Variants in COLEC12 observed in about 807,000 individuals in gnomAD.
The protein encoded by COLEC12 is collectin-12.
Under a neutral mutation model 71.1 loss-of-function variants are expected in COLEC12, and 33 were observed. The observed-to-expected ratio is 0.46, with a 90% CI of 0.35 to 0.62. The LOEUF is 0.62. COLEC12 is among the 20% of genes least tolerant of loss of function. COLEC12 has a pLI of 0.00. For missense variants in COLEC12, 765 were observed against 916.1 expected (o/e 0.84, Z 2.13); for synonymous variants, 350 against 353.0 (o/e 0.99, Z 0.10).
At chr18:378,088 T>C (rs1285797186) in intron 2 of COLEC12, among the ~76,000 whole-genome samples, 1 of 152,244 alleles carries the variant, frequency 6.6e-6, no homozygotes. Flanking sequence ...CACTGATCAA[T>C]GAGAAAGGAT....
At chr18:349,720 C>G (rs951428398) in intron 3 of COLEC12, among the ~76,000 whole-genome samples, 6 of 152,206 alleles carry the variant, frequency 3.9e-5, no homozygotes, top group African/African-American at 1.2e-4. Context: ...ACCATGGGAA[C>G]CCACCTCTTG....
intron 2 of COLEC12, among the ~76,000 whole-genome samples, chr18:393,892 G>T (rs1223966442): frequency 1.3e-5 from 2 of 152,188 alleles, no homozygotes; most frequent in Admixed American, 6.5e-5. Flanking sequence ...GAACACTCCT[G>T]TTCCAGCACC....
rs200898452 is a variant in COLEC12 at position 334,738 on chromosome 18, T to C, written c.1816+4A>G. On this transcript the variant is annotated splice_donor_region_variant and intron_variant, in intron 6 of 9. Coordinates refer to ENST00000400256, the MANE Select transcript of COLEC12 (RefSeq NM_130386.3). ...CCCTGGCTGGAGGGAGGGCTTGGACTTACCATTGTCCTCCGGTGCTGGGGT... is the reference window on the plus strand; with the variant it reads ...CCCTGGCTGGAGGGAGGGCTTGGACCTACCATTGTCCTCCGGTGCTGGGGT... The C allele has an allele frequency of 6.8e-6, 10 of 1,465,620 alleles. No homozygotes were observed. The East Asian group carries it at 2.6e-4, about 38-fold the overall frequency. 90.8% of individuals were successfully genotyped at this position (1,465,620 alleles called of 1,614,324 possible). A position where few individuals can be genotyped will look rare whatever the true frequency, so the allele number is the denominator to read the frequency against.
intron 2 of COLEC12, among the ~76,000 whole-genome samples, chr18:406,895 C>T (rs1915802035): frequency 6.6e-6 from 1 of 152,258 alleles, no homozygotes; most frequent in Admixed American, 6.5e-5. Flanking sequence ...TGACCCCAGA[C>T]CTCAGGAGCG....
intron 2 of COLEC12, among the ~76,000 whole-genome samples, chr18:439,789 C>CA (rs1332026209): frequency 6.6e-6 from 1 of 151,820 alleles, no homozygotes; most frequent in Non-Finnish European, 1.5e-5. Context: ...GAAGCATCTG[C>CA]AAAAAAAGTA....
At chr18:433,345 G>A (rs1916341702) in intron 2 of COLEC12, among the ~76,000 whole-genome samples, 1 of 152,258 alleles carries the variant, frequency 6.6e-6, no homozygotes, top group East Asian at 1.9e-4. Context: ...TTGGAAAGTT[G>A]TTACTTTAGA....
At position 335,013 on chromosome 18, in the gene COLEC12, C is replaced by T. The variant is rs754870924; in HGVS notation, c.1545G>A (p.Gly515=). 9.5e-6 allele frequency: 15 copies of T among 1,586,414 alleles called. No homozygotes were observed. In the African/African-American group the frequency reaches 1.9e-4, roughly 20 times the overall value. The part of the protein sequence containing the change: ...QGPKGSRGSP[G]KPGPQGSSGD... ...CACTGGAGCCCTGAGGGCCGGGCTTCCCAGGGGAACCACGGGAGCCTTTGG... is the reference window on the plus strand; with the variant it reads ...CACTGGAGCCCTGAGGGCCGGGCTTTCCAGGGGAACCACGGGAGCCTTTGG... The change falls in exon 6 of 10, where the codon GGG becomes GGA. Residue 515 remains glycine (G), a synonymous_variant. Transcript: ENST00000400256.
chr18:384,574 G>A (rs904875931), intron 2 of COLEC12, among the ~76,000 whole-genome samples: 2 of 152,166 alleles, frequency 1.3e-5, no homozygotes, highest in Non-Finnish European at 2.9e-5. Flanking sequence ...TTTGAGCAGG[G>A]AGTAGGAGGC....
intron 2 of COLEC12, among the ~76,000 whole-genome samples, chr18:402,051 A>G (rs1915697753): frequency 6.6e-6 from 1 of 152,164 alleles, no homozygotes; most frequent in African/African-American, 2.4e-5. Flanking sequence ...TAGCATTGTT[A>G]TCGGTTGAGG....
intron 2 of COLEC12, among the ~76,000 whole-genome samples, chr18:391,602 CTAGTT>C (rs754632454): frequency 3.3e-5 from 5 of 152,100 alleles, no homozygotes; most frequent in Non-Finnish European, 5.9e-5. Flanking sequence ...TTTTGGGACA[CTAGTT>C]TATAATTTAG....
At chr18:449,199 G>T (rs1916710209) in intron 2 of COLEC12, among the ~76,000 whole-genome samples, 1 of 152,062 alleles carries the variant, frequency 6.6e-6, no homozygotes, top group Non-Finnish European at 1.5e-5. Context: ...TATTATAGAA[G>T]ACTTTTACTC....
chr18:495,403 T>G (rs1917691142), intron 1 of COLEC12, among the ~76,000 whole-genome samples: 1 of 152,196 alleles, frequency 6.6e-6, no homozygotes. Flanking sequence ...CTTCTGACAA[T>G]ATTTCATTTT....
At position 319,335 on chromosome 18, in the gene COLEC12, A is replaced by ATATATATAT. The variant is rs1354755711; in HGVS notation, c.*709_*710insATATATATA. The ATATATATAT allele has an allele frequency of 1.7e-4, 7 of 42,088 alleles. No homozygotes were observed. The highest frequency in any genetic ancestry group is 1.0e-3 in the East Asian group (2 of 1,916). The allele number at this position is 42,088 out of a possible 1,614,324, so 2.6% of individuals were successfully genotyped here. On this transcript the variant is annotated 3_prime_UTR_variant, in exon 10 of 10. Coordinates refer to ENST00000400256, the MANE Select transcript of COLEC12 (RefSeq NM_130386.3). ...AAATGAAACATTAAAAAAAAAAAAA[A>ATATATATAT]AAAAAAATATATATATATATATATA... is the stretch of plus-strand genomic sequence containing the variant.
chr18:477,865 T>C (rs941153259), intron 2 of COLEC12, among the ~76,000 whole-genome samples: 4 of 152,186 alleles, frequency 2.6e-5, no homozygotes, highest in African/African-American at 9.7e-5. Context: ...AGGGTTGACA[T>C]GTCTCTGGAC....
At chr18:368,309 A>T (rs1215435141) in intron 2 of COLEC12, among the ~76,000 whole-genome samples, 1 of 152,246 alleles carries the variant, frequency 6.6e-6, no homozygotes, top group African/African-American at 2.4e-5. Flanking sequence ...ACAGTGGCTC[A>T]TGTCTGTAAT....
At chr18:472,334 C>T (rs192001809) in intron 2 of COLEC12, among the ~76,000 whole-genome samples, 110 of 152,244 alleles carry the variant, frequency 7.2e-4, no homozygotes, top group African/African-American at 2.5e-3. Flanking sequence ...AAGTATTATT[C>T]TTTACTGATG....
chr18:438,671 C>T lies in COLEC12; in HGVS notation c.58+42036G>A, dbSNP rs141711064. 4.8e-3 allele frequency among the ~76,000 whole-genome samples: 724 copies of T among 151,936 alleles called. 4 individuals are homozygous for T. The highest frequency in any genetic ancestry group is 0.016 in the African/African-American group (681 of 41,440). Reference sequence around the variant, plus strand: ...ACAAATAATTAAAAAGTTAGCCAGGCATGGTGGCACATGCCTGTAGTCCCA... The same window carrying T: ...ACAAATAATTAAAAAGTTAGCCAGGTATGGTGGCACATGCCTGTAGTCCCA... On this transcript the variant is annotated intron_variant, in intron 2 of 9. Coordinates refer to ENST00000400256, the MANE Select transcript of COLEC12 (RefSeq NM_130386.3).
intron 2 of COLEC12, among the ~76,000 whole-genome samples, chr18:457,302 G>A (rs1056057411): frequency 6.6e-6 from 1 of 152,180 alleles, no homozygotes; most frequent in African/African-American, 2.4e-5. Flanking sequence ...CCCAGGCACT[G>A]CAGCGCCGAA....
At chr18:345,164 G>A (rs1252637255) in intron 5 of COLEC12, among the ~76,000 whole-genome samples, 4 of 152,296 alleles carry the variant, frequency 2.6e-5, no homozygotes, top group Non-Finnish European at 2.9e-5. Flanking sequence ...GGTGAGGACC[G>A]TTGGTTTCAT....
Sources: allele counts gnomAD v4.1 joint callset (sites outside exome capture counted in the v4.1 genomes callset), GRCh38; gene constraint gnomAD v4.1.1; transcripts MANE v1.5; gene names NCBI Gene and HGNC (gene_info 2026-07-23, HGNC 2026-07-21).